EPS15: variants seen among roughly 807,000 people sequenced by gnomAD.
EPS15 encodes the protein epidermal growth factor receptor pathway substrate 15.
A neutral mutation model predicts 113.8 loss-of-function variants in EPS15; 72 were observed. That is an observed-to-expected ratio of 0.63 (90% confidence interval 0.52 to 0.77). The LOEUF is 0.77. Among genes scored for constraint, EPS15 ranks in the 30% least tolerant of loss-of-function variants. The probability of loss-of-function intolerance (pLI) is 0.00; values close to 1 mark genes in which losing one functional copy is unlikely to be tolerated. For synonymous variants in EPS15, 344 were observed against 363.4 expected, an observed-to-expected ratio of 0.95 and a Z score of 0.61; for missense variants, 1,048 against 1,045.8, an observed-to-expected ratio of 1.00 and a Z score of -0.03.
intron 22 of EPS15, 75 bp downstream of exon 22, chr1:51,365,878 T>C (rs1220170166): frequency 5.1e-6 from 5 of 973,010 alleles, no homozygotes; most frequent in African/African-American, 1.6e-5. Flanking sequence ...GAGAGGACTA[T>C]ATAATTGAAA....
chr1:51,461,205 T>G, intron 7 of EPS15, 55 bp from the exon 8 acceptor site: 1 of 1,300,666 alleles, frequency 7.7e-7, no homozygotes, highest in Non-Finnish European at 1.1e-6. Flanking sequence ...CATGTTCTAC[T>G]CGAGGGCAAG....
chr1:51,406,345 G>A (rs1649126828), intron 15 of EPS15, among the ~76,000 whole-genome samples: 1 of 152,092 alleles, frequency 6.6e-6, no homozygotes, highest in Non-Finnish European at 1.5e-5. Flanking sequence ...GCATGATGGA[G>A]TGCACCTGTA....
chr1:51,375,293 G>A (rs1209608928), intron 21 of EPS15, among the ~76,000 whole-genome samples: 1 of 152,042 alleles, frequency 6.6e-6, no homozygotes, highest in Non-Finnish European at 1.5e-5. Context: ...GAGCCACCGC[G>A]CCCGACTATA....
At chr1:51,389,972 A>G (rs1433050583) in intron 21 of EPS15, among the ~76,000 whole-genome samples, 7 of 151,722 alleles carry the variant, frequency 4.6e-5, no homozygotes, top group African/African-American at 9.7e-5. Flanking sequence ...CTACTTTAAA[A>G]TTCATATGGA....
intron 12 of EPS15, among the ~76,000 whole-genome samples, chr1:51,432,675 A>G (rs375754371): frequency 2.0e-5 from 3 of 152,310 alleles, no homozygotes; most frequent in African/African-American, 7.2e-5. Context: ...CAAGTGCTCA[A>G]TCACCACACA....
intron 24 of EPS15, among the ~76,000 whole-genome samples, chr1:51,357,373 T>A (rs1646240099): frequency 1.8e-5 from 1 of 55,330 alleles, no homozygotes; most frequent in Non-Finnish European, 3.0e-5. Flanking sequence ...TGAGATTCCA[T>A]CTGAAAAAAA....
At chr1:51,361,105 C>G (rs948724284) in intron 24 of EPS15, 66 bp downstream of exon 24, 93 of 1,243,616 alleles carry the variant, frequency 7.5e-5, no homozygotes, top group Non-Finnish European at 9.9e-5. Context: ...ACTTGGCAGA[C>G]TCCAAAATAA....
At chr1:51,430,779 A>G (rs1251582696) in intron 12 of EPS15, among the ~76,000 whole-genome samples, 1 of 151,790 alleles carries the variant, frequency 6.6e-6, no homozygotes, top group Non-Finnish European at 1.5e-5. Context: ...ACATAGTGAC[A>G]CCCACATCTC....
intron 13 of EPS15, among the ~76,000 whole-genome samples, chr1:51,410,762 C>T (rs1207763979): frequency 1.3e-5 from 2 of 152,170 alleles, no homozygotes; most frequent in African/African-American, 4.8e-5. Flanking sequence ...AATCTAAGAA[C>T]AGAAGAGAAA....
chr1:51,400,539 A>T (rs373696657), intron 19 of EPS15, among the ~76,000 whole-genome samples: 11 of 150,420 alleles, frequency 7.3e-5, no homozygotes, highest in African/African-American at 2.4e-4. Context: ...TACAAAAAAT[A>T]AAAAAAAATC....
intron 3 of EPS15, among the ~76,000 whole-genome samples, chr1:51,472,093 G>C (rs551959203): frequency 6.6e-5 from 10 of 151,592 alleles, no homozygotes; most frequent in Non-Finnish European, 1.2e-4. Context: ...TTTCAATGTG[G>C]CCCACGGAAG....
chr1:51,489,507 A>G (rs1002744579), intron 1 of EPS15, among the ~76,000 whole-genome samples: 1 of 151,946 alleles, frequency 6.6e-6, no homozygotes, highest in Admixed American at 6.6e-5. Flanking sequence ...TAGTAGAGAC[A>G]GGGTTTCACC....
intron 1 of EPS15, among the ~76,000 whole-genome samples, chr1:51,489,440 G>C (rs1022747438): frequency 7.3e-5 from 11 of 151,390 alleles, no homozygotes; most frequent in Admixed American, 5.9e-4. Context: ...TCCAGCCTTA[G>C]CCTCCCAAGT....
At chr1:51,506,223 A>G (rs1644497019) in intron 1 of EPS15, among the ~76,000 whole-genome samples, 2 of 152,080 alleles carry the variant, frequency 1.3e-5, no homozygotes, top group African/African-American at 4.8e-5. Flanking sequence ...AACTACCTCC[A>G]CAGCTTTTTG....
chr1:51,481,022 TA>T (rs1450969329), intron 2 of EPS15, among the ~76,000 whole-genome samples: 2 of 152,270 alleles, frequency 1.3e-5, no homozygotes, highest in Non-Finnish European at 2.9e-5. Context: ...TATATCTGGA[TA>T]AATCTATCAA....
intron 13 of EPS15, among the ~76,000 whole-genome samples, chr1:51,414,382 C>CTCCA (rs994268853): frequency 1.3e-5 from 2 of 151,330 alleles, no homozygotes; most frequent in Non-Finnish European, 2.9e-5. Context: ...CGCCACTGCA[C>CTCCA]TCCAGCCTGG....
chr1:51,444,661 A>T (rs1652861035), intron 11 of EPS15, among the ~76,000 whole-genome samples: 1 of 152,220 alleles, frequency 6.6e-6, no homozygotes, highest in Non-Finnish European at 1.5e-5. Context: ...TAAGACTGGA[A>T]ATATAGTTGT....
chr1:51,401,646 C>T (rs1414893444), intron 18 of EPS15, among the ~76,000 whole-genome samples: 1 of 152,140 alleles, frequency 6.6e-6, no homozygotes, highest in Non-Finnish European at 1.5e-5. Flanking sequence ...AAACACTTTT[C>T]CAAAGAAGAT....
Position 51,399,176 on chromosome 1 carries a change from A to G in EPS15, c.1919-11T>C. On this transcript the variant is annotated splice_polypyrimidine_tract_variant and intron_variant, in intron 19 of 24. Coordinates refer to ENST00000371733, the MANE Select transcript of EPS15 (RefSeq NM_001981.3). ...CACCACCAAATGGATCTAAAAAAAT[A>G]AGGCACGAATATAAGAGACAAAAAA... 1 of 1,612,120 alleles carries G rather than the reference A, an allele frequency of 6.2e-7. No individual in the cohort carries two copies. Among genetic ancestry groups the G allele is most frequent in the Non-Finnish European group, 8.5e-7 (1 of 1,179,264 alleles).
Sources: allele counts gnomAD v4.1 joint callset (sites outside exome capture counted in the v4.1 genomes callset), GRCh38; gene constraint gnomAD v4.1.1; transcripts MANE v1.5; gene names NCBI Gene and HGNC (gene_info 2026-07-23, HGNC 2026-07-21).